The following TMEM132B variants were observed in gnomAD, a reference collection of about 807,000 sequenced individuals.
TMEM132B encodes transmembrane protein 132B.
TMEM132B carries 18 observed loss-of-function variants against 90.8 expected under a neutral mutation model. The observed-to-expected ratio is 0.20, with a 90% CI of 0.14 to 0.29. The LOEUF is 0.29. Among genes scored for constraint, TMEM132B ranks in the 10% least tolerant of loss-of-function variants. The probability of loss-of-function intolerance (pLI) is 1.00; values close to 1 mark genes in which losing one functional copy is unlikely to be tolerated. For missense variants in TMEM132B, 1,096 were observed against 1,326.8 expected (o/e 0.83, Z 2.70); for synonymous variants, 504 against 523.3 (o/e 0.96, Z 0.50).
Position 125,661,919 on chromosome 12 carries a change from C to G in TMEM132B, c.*7209C>G, listed in dbSNP as rs976727908. ...AATACTGCTCATGTTTAATGTGTGT[C>G]TACAGGGCATGCTGTTGTCTCAAAA... On this transcript the variant is annotated 3_prime_UTR_variant, in exon 9 of 9. Coordinates refer to ENST00000682704, the MANE Select transcript of TMEM132B (RefSeq NM_001366854.1). 2.0e-5 allele frequency: 3 copies of G among 152,196 alleles called. No individual in the cohort carries two copies. Among genetic ancestry groups the G allele is most frequent in the Non-Finnish European group, 2.9e-5 (2 of 68,050 alleles). The allele number at this position is 152,196 out of a possible 1,614,324, so 9.4% of individuals were successfully genotyped here.
chr12:125,270,449 A>G (rs543420728), intron 1 of TMEM132B, among the ~76,000 whole-genome samples: 3 of 152,168 alleles, frequency 2.0e-5, no homozygotes, highest in African/African-American at 7.2e-5. Context: ...GGAAGCTGAT[A>G]ATAAGGGCTT....
intron 1 of TMEM132B, among the ~76,000 whole-genome samples, chr12:125,205,752 T>C (rs1213762439): frequency 6.6e-6 from 1 of 152,258 alleles, no homozygotes; most frequent in Non-Finnish European, 1.5e-5. Context: ...GGCAGCTGTA[T>C]GGCCTTTTAT....
At chr12:125,454,976 A>G (rs1881253479) in intron 3 of TMEM132B, among the ~76,000 whole-genome samples, 1 of 152,222 alleles carries the variant, frequency 6.6e-6, no homozygotes, top group Non-Finnish European at 1.5e-5. Context: ...ACACCTCACC[A>G]TCCAAGGCCC....
intron 1 of TMEM132B, among the ~76,000 whole-genome samples, chr12:125,276,950 A>G (rs146168308): frequency 2.6e-5 from 4 of 152,326 alleles, no homozygotes; most frequent in Non-Finnish European, 5.9e-5. Flanking sequence ...ACGGTCTTTC[A>G]TCACACTGTC....
At chr12:125,330,640 C>A (rs1302945276) in intron 1 of TMEM132B, among the ~76,000 whole-genome samples, 1 of 152,180 alleles carries the variant, frequency 6.6e-6, no homozygotes, top group East Asian at 1.9e-4. Context: ...AGAGGCCTTT[C>A]TGTAAAACAG....
At chr12:125,304,065 C>T (rs887517063) in intron 1 of TMEM132B, among the ~76,000 whole-genome samples, 2 of 152,206 alleles carry the variant, frequency 1.3e-5, no homozygotes, top group African/African-American at 2.4e-5. Context: ...AACTGTTCCA[C>T]CTCAAATCAG....
chr12:125,626,283 T>C (rs985141849), intron 5 of TMEM132B, among the ~76,000 whole-genome samples: 1 of 152,178 alleles, frequency 6.6e-6, no homozygotes, highest in East Asian at 1.9e-4. Context: ...TTTCCATTCA[T>C]CTGTTGATGG....
intron 2 of TMEM132B, among the ~76,000 whole-genome samples, chr12:125,393,694 G>T (rs323848): frequency 1.3e-5 from 2 of 151,836 alleles, no homozygotes; most frequent in African/African-American, 2.4e-5. Flanking sequence ...AGATGGAGGC[G>T]CAGTCAAGGA....
At chr12:125,542,128 G>A (rs1883975753) in intron 4 of TMEM132B, among the ~76,000 whole-genome samples, 1 of 150,042 alleles carries the variant, frequency 6.7e-6, no homozygotes, top group African/African-American at 2.4e-5. Flanking sequence ...ATAAAATCAT[G>A]TATGAGTTAG....
At chr12:125,609,816 C>CAAAAAAAA (rs763840695) in intron 5 of TMEM132B, among the ~76,000 whole-genome samples, 1 of 39,436 alleles carries the variant, frequency 2.5e-5, no homozygotes, top group African/African-American at 9.8e-5. Flanking sequence ...GACTCTGTCT[C>CAAAAAAAA]AAAAAAAAAA....
chr12:125,232,311 T>C (rs1222774063), intron 1 of TMEM132B, among the ~76,000 whole-genome samples: 1 of 152,206 alleles, frequency 6.6e-6, no homozygotes, highest in Non-Finnish European at 1.5e-5. Context: ...AGCTCTCCAG[T>C]AGAGTGTGTC....
intron 2 of TMEM132B, among the ~76,000 whole-genome samples, chr12:125,373,590 T>A (rs1165120609): frequency 6.6e-6 from 1 of 152,134 alleles, no homozygotes; most frequent in East Asian, 1.9e-4. Flanking sequence ...CGGTACTTCG[T>A]ATGGCAGCCC....
At chr12:125,541,758 G>A (rs749388992) in intron 4 of TMEM132B, among the ~76,000 whole-genome samples, 14 of 151,084 alleles carry the variant, frequency 9.3e-5, no homozygotes, top group Non-Finnish European at 1.6e-4. Context: ...ACGCCTTCAC[G>A]CCTGTAATCC....
At chr12:125,563,607 A>AAC (rs374367688) in intron 4 of TMEM132B, among the ~76,000 whole-genome samples, 66 of 149,810 alleles carry the variant, frequency 4.4e-4, no homozygotes, top group Non-Finnish European at 7.7e-4. Flanking sequence ...ACAAAAAAAA[A>AAC]CCCCACAGTA....
intron 1 of TMEM132B, among the ~76,000 whole-genome samples, chr12:125,244,423 C>A (rs1256244417): frequency 1.3e-5 from 2 of 152,162 alleles, no homozygotes; most frequent in Non-Finnish European, 2.9e-5. Context: ...CAGTGCTGGC[C>A]CCTCAGGGAG....
chr12:125,192,292 C>G (rs545222932), intron 1 of TMEM132B, among the ~76,000 whole-genome samples: 2 of 152,114 alleles, frequency 1.3e-5, no homozygotes, highest in South Asian at 2.1e-4. Flanking sequence ...AAGTGTGAAC[C>G]CTGGTGTGTC....
chr12:125,247,186 C>G (rs1366175127), intron 1 of TMEM132B, among the ~76,000 whole-genome samples: 1 of 152,136 alleles, frequency 6.6e-6, no homozygotes, highest in Non-Finnish European at 1.5e-5. Flanking sequence ...ATCACCCACC[C>G]CTTTGAACTT....
intron 3 of TMEM132B, among the ~76,000 whole-genome samples, chr12:125,422,719 G>C (rs1408710104): frequency 1.3e-5 from 2 of 152,162 alleles, no homozygotes; most frequent in African/African-American, 4.8e-5. Context: ...TGGTGACAGA[G>C]ACAGGGATGC....
intron 5 of TMEM132B, 90 bp from the exon 6 acceptor site, chr12:125,643,986 G>A (rs1349123431): frequency 2.6e-6 from 3 of 1,160,702 alleles, no homozygotes. Flanking sequence ...ATAAATCAGA[G>A]CTGCTGCAGT....
Sources: allele counts gnomAD v4.1 joint callset (sites outside exome capture counted in the v4.1 genomes callset), GRCh38; gene constraint gnomAD v4.1.1; transcripts MANE v1.5; gene names NCBI Gene and HGNC (gene_info 2026-07-23, HGNC 2026-07-21).